TGFBR2: variants seen among roughly 807,000 people sequenced by gnomAD.
The protein encoded by TGFBR2 is TGF-beta receptor type-2.
Under a neutral mutation model 49.0 loss-of-function variants are expected in TGFBR2, and 18 were observed. That is an observed-to-expected ratio of 0.37 (90% CI 0.25 to 0.54). The LOEUF (loss-of-function observed/expected upper bound fraction) is 0.54, where lower values mean the gene tolerates loss of function less well. Ranked by LOEUF, TGFBR2 falls within the 20% of genes least tolerant of loss-of-function variation. The pLI is 0.85. For synonymous variants in TGFBR2, 282 were observed against 275.9 expected (o/e 1.02, Z -0.22); for missense variants, 525 against 722.6 (o/e 0.73, Z 3.13).
intron 1 of TGFBR2, among the ~76,000 whole-genome samples, chr3:30,625,670 G>A (rs571837497): frequency 2.0e-5 from 3 of 152,282 alleles, no homozygotes; most frequent in South Asian, 2.1e-4. Context: ...TAAATGCCCT[G>A]CAGCCAATTA....
At position 30,644,166 on chromosome 3, in the gene TGFBR2, G is replaced by A. The variant is rs745516446; in HGVS notation, c.95-581G>A. ...GTCCCTTGAAAAGAAGACCCTTATA[G>A]CTCTTTCAGGAGTAGGTCAGGAAAA... On this transcript the variant is annotated intron_variant, in intron 1 of 6. Transcript: ENST00000295754. Among the ~76,000 whole-genome samples the A allele has an allele frequency of 2.0e-5, 3 of 152,180 alleles. No homozygotes were observed. The East Asian group carries it at 5.8e-4, about 29-fold the overall frequency.
At chr3:30,617,260 TAG>T (rs1235055786) in intron 1 of TGFBR2, among the ~76,000 whole-genome samples, 3 of 152,216 alleles carry the variant, frequency 2.0e-5, no homozygotes, top group Admixed American at 6.5e-5. Context: ...TGCATTTCTG[TAG>T]AGTTTGCAGA....
At chr3:30,634,545 C>T (rs550908889) in intron 1 of TGFBR2, among the ~76,000 whole-genome samples, 1 of 152,104 alleles carries the variant, frequency 6.6e-6, no homozygotes, top group East Asian at 1.9e-4. Context: ...AGCACATTTT[C>T]GTTTAGGTTG....
upstream of TGFBR2, chr3:30,606,437 T>C: frequency 4.3e-6 from 1 of 233,132 alleles, no homozygotes; most frequent in African/African-American, 2.2e-5. Context: ...CGGCCAAAGC[T>C]CTCGGAGGGG....
At chr3:30,633,691 G>A (rs1488312021) in intron 1 of TGFBR2, among the ~76,000 whole-genome samples, 2 of 152,072 alleles carry the variant, frequency 1.3e-5, no homozygotes, top group Non-Finnish European at 2.9e-5. Flanking sequence ...GGATGGTGTG[G>A]GCCCACTGTT....
Position 30,631,869 on chromosome 3 carries a change from G to T in TGFBR2, c.95-12878G>T, listed in dbSNP as rs558028141. Among the ~76,000 whole-genome samples, 7 of 152,118 alleles carry T rather than the reference G, an allele frequency of 4.6e-5. No homozygotes were observed. The East Asian group carries it at 1.2e-3, about 25-fold the overall frequency. On this transcript the variant is annotated intron_variant, in intron 1 of 6. Coordinates refer to ENST00000295754, the MANE Select transcript of TGFBR2 (RefSeq NM_003242.6). Reference sequence around the variant, plus strand: ...TTGAACTCAAAGCCCCCTCATGGTCGATTCAGAGCCTTCTCCACTGCAACC... The same window carrying T: ...TTGAACTCAAAGCCCCCTCATGGTCTATTCAGAGCCTTCTCCACTGCAACC...
chr3:30,637,054 ACT>A (rs1177895001), intron 1 of TGFBR2, among the ~76,000 whole-genome samples: 28 of 147,770 alleles, frequency 1.9e-4, no homozygotes, highest in African/African-American at 6.6e-4. Flanking sequence ...ACAGAGCAAG[ACT>A]CTGTCTGAAA....
intron 5 of TGFBR2, among the ~76,000 whole-genome samples, chr3:30,686,372 C>T (rs190850183): frequency 1.3e-5 from 2 of 152,212 alleles, no homozygotes; most frequent in Admixed American, 1.3e-4. Flanking sequence ...ATGCTTGGGT[C>T]CTTTGAGGCA....
chr3:30,655,045 C>T (rs971121514), intron 3 of TGFBR2, among the ~76,000 whole-genome samples: 1 of 152,174 alleles, frequency 6.6e-6, no homozygotes, highest in Non-Finnish European at 1.5e-5. Flanking sequence ...GGGCCAGTGA[C>T]TTGACATCTC....
At chr3:30,629,595 G>T (rs1374353668) in intron 1 of TGFBR2, among the ~76,000 whole-genome samples, 1 of 152,092 alleles carries the variant, frequency 6.6e-6, no homozygotes, top group Non-Finnish European at 1.5e-5. Context: ...TGCAGATAAG[G>T]TTTCCTTTGG....
intron 1 of TGFBR2, among the ~76,000 whole-genome samples, chr3:30,628,834 C>T (rs1287420552): frequency 6.6e-6 from 1 of 152,140 alleles, no homozygotes; most frequent in East Asian, 1.9e-4. Context: ...TGCTGCCACT[C>T]ATAGCTAACG....
chr3:30,624,539 C>A (rs907979226), intron 1 of TGFBR2, among the ~76,000 whole-genome samples: 1 of 151,882 alleles, frequency 6.6e-6, no homozygotes, highest in Non-Finnish European at 1.5e-5. Context: ...TCACTTGAAC[C>A]TGGGAGGCGG....
At chr3:30,631,577 T>C (rs1698436920) in intron 1 of TGFBR2, among the ~76,000 whole-genome samples, 1 of 151,926 alleles carries the variant, frequency 6.6e-6, no homozygotes, top group Non-Finnish European at 1.5e-5. Context: ...TTCCTGCCCT[T>C]TGTTGTCCTT....
chr3:30,682,931 A>G lies in TGFBR2; in HGVS notation c.1397-5453A>G, dbSNP rs1429562053. Among the ~76,000 whole-genome samples the G allele has an allele frequency of 3.3e-5, 5 of 152,208 alleles. No homozygotes were observed. The East Asian group carries it at 9.7e-4, about 29-fold the overall frequency. Reference sequence around the variant, plus strand: ...TCATACCAGGGACTGCCCCAGCTGTACTTGCTCTGGTTAGGGGAGAAATCT... The same window carrying G: ...TCATACCAGGGACTGCCCCAGCTGTGCTTGCTCTGGTTAGGGGAGAAATCT... On this transcript the variant is annotated intron_variant, in intron 5 of 6. Transcript: ENST00000295754.
At chr3:30,609,330 G>C (rs528878089) in intron 1 of TGFBR2, among the ~76,000 whole-genome samples, 1 of 152,048 alleles carries the variant, frequency 6.6e-6, no homozygotes, top group Non-Finnish European at 1.5e-5. Flanking sequence ...AACGTAATTG[G>C]TAAACTGAAA....
At chr3:30,691,331 C>T (rs1331245072) in intron 6 of TGFBR2, 89 bp from the exon 7 acceptor site, 2 of 1,460,266 alleles carry the variant, frequency 1.4e-6, no homozygotes, top group Non-Finnish European at 1.9e-6. Flanking sequence ...CCTGCTTGCA[C>T]TCACTATAGC....
intron 1 of TGFBR2, among the ~76,000 whole-genome samples, chr3:30,641,219 T>C (rs1698638156): frequency 6.6e-6 from 1 of 152,208 alleles, no homozygotes; most frequent in Non-Finnish European, 1.5e-5. Context: ...TTTGTATTTG[T>C]TTCTTTTCCC....
intron 1 of TGFBR2, among the ~76,000 whole-genome samples, chr3:30,631,967 CGTGAGCAAAT>C (rs1281673147): frequency 6.6e-6 from 1 of 152,090 alleles, no homozygotes; most frequent in Non-Finnish European, 1.5e-5. Flanking sequence ...TTAACTTTTA[CGTGAGCAAAT>C]GAGCTCCAGG....
Position 30,692,507 on chromosome 3 carries a change from C to G in TGFBR2, c.*908C>G, listed in dbSNP as rs557034249. 8.6e-6 allele frequency: 2 copies of G among 232,966 alleles called. No individual in the cohort carries two copies. Among genetic ancestry groups the G allele is most frequent in the South Asian group, 3.6e-4 (2 of 5,528 alleles). The allele number at this position is 232,966 out of a possible 1,614,324, so 14.4% of individuals were successfully genotyped here. A position where few individuals can be genotyped will look rare whatever the true frequency, so the allele number is the denominator to read the frequency against. On this transcript the variant is annotated 3_prime_UTR_variant, in exon 7 of 7. Coordinates refer to ENST00000295754, the MANE Select transcript of TGFBR2 (RefSeq NM_003242.6). ...AAAATTGTTCTTTTTTTCATCTTTC[C>G]CCTGCACTTATGTTACTATTCTCTG...
Sources: allele counts gnomAD v4.1 joint callset (sites outside exome capture counted in the v4.1 genomes callset), GRCh38; gene constraint gnomAD v4.1.1; transcripts MANE v1.5; gene names NCBI Gene and HGNC (gene_info 2026-07-23, HGNC 2026-07-21).